ALAS1: variants seen among roughly 807,000 people sequenced by gnomAD.
The protein encoded by ALAS1 is 5-aminolevulinate synthase, non-specific, mitochondrial.
ALAS1 carries 29 observed loss-of-function variants against 59.6 expected under a neutral mutation model. That is an observed-to-expected ratio of 0.49 (90% CI 0.36 to 0.66). The LOEUF (loss-of-function observed/expected upper bound fraction) is 0.66. ALAS1 is among the 30% of genes least tolerant of loss of function. ALAS1 has a pLI of 0.00. For synonymous variants in ALAS1, 299 were observed against 296.6 expected (o/e 1.01, Z -0.08); for missense variants, 690 against 807.5 (o/e 0.85, Z 1.76).
At chr3:52,200,170 G>A (rs1699159355) in intron 3 of ALAS1, among the ~76,000 whole-genome samples, 1 of 151,898 alleles carries the variant, frequency 6.6e-6, no homozygotes, top group South Asian at 2.1e-4. Context: ...TTGTTCTGTT[G>A]TGGTAAAATG....
intron 3 of ALAS1, 142 bp from the exon 4 acceptor site, chr3:52,202,365 C>CA (rs968063853): frequency 1.3e-4 from 95 of 719,056 alleles, no homozygotes; most frequent in Middle Eastern, 2.4e-4. Context: ...CAAAACAAAA[C>CA]AAAAAAAACA....
chr3:52,212,534 T>G, intron 11 of ALAS1, 114 bp downstream of exon 11: 1 of 1,417,202 alleles, frequency 7.1e-7, no homozygotes, highest in South Asian at 1.2e-5. Flanking sequence ...TCTTCTTTTT[T>G]TAGTTTTTTT....
rs369540535 is a variant in ALAS1 at position 52,211,235 on chromosome 3, G to A, written c.1331-48G>A. The A allele has an allele frequency of 3.1e-4, 498 of 1,596,050 alleles. No individual in the cohort carries two copies. The highest frequency in any genetic ancestry group is 8.0e-4 in the South Asian group (72 of 90,196). On this transcript the variant is annotated intron_variant, in intron 9 of 11. Coordinates refer to ENST00000484952, the MANE Select transcript of ALAS1 (RefSeq NM_000688.6). ...CACAACACCTTGCTGTGTCCATTTA[G>A]AGCAATTTACAGCTGTTGCTGTAAT...
At position 52,204,773 on chromosome 3, in the gene ALAS1, A is replaced by G; in HGVS notation, c.658A>G (p.Lys220Glu). Residue 220 changes from lysine (K) to glutamate (E), a missense_variant, in exon 6 of 12, where the codon AAA becomes GAA. Transcript: ENST00000484952. ...KKNDHTYRVFKTVNRRAHIFP... is the reference protein window; with the variant it reads ...KKNDHTYRVFETVNRRAHIFP... ...GAATGACCACACCTATCGAGTTTTT[A>G]AAACTGTGAACCGGCGAGCACACAT... 1.2e-6 allele frequency: 2 copies of G among 1,614,210 alleles called. No homozygotes were observed. Among genetic ancestry groups the G allele is most frequent in the Non-Finnish European group, 1.7e-6 (2 of 1,180,034 alleles).
intron 11 of ALAS1, 130 bp downstream of exon 11, chr3:52,212,550 G>C: frequency 8.0e-7 from 1 of 1,247,264 alleles, no homozygotes; most frequent in Non-Finnish European, 1.1e-6. Flanking sequence ...TTTTTTTTGA[G>C]ACAAGAGTTT....
rs1174632638 is a variant in ALAS1, at chr3:52,211,429, A to G, written c.1477A>G (p.Lys493Glu). The change falls in exon 10 of 12, where the codon AAG becomes GAG. Residue 493 changes from lysine to glutamate, a missense_variant. Lys to Glu is a moderately conservative substitution (Grantham distance 56). Transcript: ENST00000484952. ...AGCCCTGGAGTCTGTGCGGATCCTG[A>G]AGAGCGCTGAGGGACGGGTGCTTCG... The part of the protein sequence containing the change: ...AGALESVRIL[K>E]SAEGRVLRRQ... 6.2e-7 allele frequency: 1 copy of G among 1,614,158 alleles called. No homozygotes were observed. The highest frequency in any genetic ancestry group is 2.2e-5 in the East Asian group (1 of 44,884).
At position 52,199,363 on chromosome 3, in the gene ALAS1, C is replaced by A; in HGVS notation, c.122C>A (p.Ala41Asp). ...TGCCCCAAGATGATGGAAGTTGGGG[C>A]CAAGCCAGCCCCTCGGGCATTGTCC... ...QNCPKMMEVG[A>D]KPAPRALSTA... The change falls in exon 3 of 12, where the codon GCC (alanine) becomes GAC (aspartate). Residue 41 changes from alanine (A) to aspartate (D), a missense_variant. Coordinates refer to ENST00000484952, the MANE Select transcript of ALAS1 (RefSeq NM_000688.6). The A allele has an allele frequency of 2.5e-6, 4 of 1,614,178 alleles. No individual in the cohort carries two copies. The highest frequency in any genetic ancestry group is 3.4e-6 in the Non-Finnish European group (4 of 1,180,042).
intron 8 of ALAS1, among the ~76,000 whole-genome samples, chr3:52,207,219 G>A (rs1699312409): frequency 6.6e-6 from 1 of 152,056 alleles, no homozygotes. Flanking sequence ...TAGCTAGGAT[G>A]GTCTCGATCT....
At chr3:52,201,533 C>T (rs1699185186) in intron 3 of ALAS1, among the ~76,000 whole-genome samples, 1 of 152,132 alleles carries the variant, frequency 6.6e-6, no homozygotes, top group South Asian at 2.1e-4. Context: ...GGGAGGACTG[C>T]TTGAGCCTAG....
Position 52,212,304 on chromosome 3 carries a change from G to T in ALAS1, c.1646G>T (p.Ser549Ile). ...ACAGAAGTCTGTGATGAACTAATGAGCAGACATAACATCTACGTGCAAGCA... is the reference window on the plus strand; with the variant it reads ...ACAGAAGTCTGTGATGAACTAATGATCAGACATAACATCTACGTGCAAGCA... Reference protein sequence around the residue: ...KNTEVCDELMSRHNIYVQAIN... With the variant: ...KNTEVCDELMIRHNIYVQAIN... The change falls in exon 11 of 12, where the codon AGC becomes ATC. Residue 549 changes from serine to isoleucine, a missense_variant. Ser to Ile is a moderately radical substitution (Grantham distance 142). Coordinates refer to ENST00000484952, the MANE Select transcript of ALAS1 (RefSeq NM_000688.6). 1 of 1,614,116 alleles carries T rather than the reference G, an allele frequency of 6.2e-7. No homozygotes were observed. Among genetic ancestry groups the T allele is most frequent in the Non-Finnish European group, 8.5e-7 (1 of 1,180,020 alleles).
chr3:52,211,926 G>A (rs2107283224), intron 10 of ALAS1, among the ~76,000 whole-genome samples: 1 of 152,348 alleles, frequency 6.6e-6, no homozygotes, highest in South Asian at 2.1e-4. Flanking sequence ...TGATGTCACA[G>A]TTGAATTAGT....
At chr3:52,209,747 C>T (rs532405889) in intron 9 of ALAS1, among the ~76,000 whole-genome samples, 1 of 152,276 alleles carries the variant, frequency 6.6e-6, no homozygotes, top group Admixed American at 6.5e-5. Context: ...GGTGTGATCA[C>T]AGCTCATCTG....
chr3:52,212,608 C>T (rs1332561781), intron 11 of ALAS1, 188 bp downstream of exon 11: 7 of 651,516 alleles, frequency 1.1e-5, no homozygotes, highest in Middle Eastern at 4.5e-4. Context: ...CTCGGCTCAC[C>T]GCAACCCCTG....
At chr3:52,207,249 C>T (rs1444323924) in intron 8 of ALAS1, among the ~76,000 whole-genome samples, 7 of 151,946 alleles carry the variant, frequency 4.6e-5, no homozygotes, top group East Asian at 3.9e-4. Flanking sequence ...GTGATCTGCC[C>T]GCCTCAGCCT....
At chr3:52,204,657 A>G in intron 5 of ALAS1, 36 bp from the exon 6 acceptor site, 1 of 1,572,380 alleles carries the variant, frequency 6.4e-7, no homozygotes, top group East Asian at 2.3e-5. Flanking sequence ...GTGTTTCACA[A>G]CCACCATTCT....
rs184013405 is a variant in ALAS1, at chr3:52,211,981, G to A, written c.1600-277G>A. Among the ~76,000 whole-genome samples, 4 of 152,360 alleles carry A rather than the reference G, an allele frequency of 2.6e-5. No individual in the cohort carries two copies. In the East Asian group the frequency reaches 7.7e-4, roughly 29 times the overall value. Reference sequence around the variant, plus strand: ...TAACTGAATCTAGATTATACATCGTGGGTATGAGAGTCTGCTGGTACGAAC... The same window carrying A: ...TAACTGAATCTAGATTATACATCGTAGGTATGAGAGTCTGCTGGTACGAAC... On this transcript the variant is annotated intron_variant, in intron 10 of 11. Transcript: ENST00000484952.
At chr3:52,201,490 G>T (rs1031683774) in intron 3 of ALAS1, among the ~76,000 whole-genome samples, 1 of 152,204 alleles carries the variant, frequency 6.6e-6, no homozygotes, top group Non-Finnish European at 1.5e-5. Flanking sequence ...GGTGGCTCAT[G>T]CCTGTAATTC....
chr3:52,199,160 C>T (rs1026479551), intron 2 of ALAS1, 50 bp from the exon 3 acceptor site: 3 of 1,567,102 alleles, frequency 1.9e-6, no homozygotes, highest in African/African-American at 1.3e-5. Flanking sequence ...AGTGAGCTTG[C>T]AGTGATATTT....
chr3:52,198,941 C>T lies in ALAS1; in HGVS notation c.-33+93C>T, dbSNP rs993639679. ...TTGACCTTTCCCTCATCCTTCCGCC[C>T]CCTTGATTATGTACTGTCAGTATTC... On this transcript the variant is annotated intron_variant, in intron 2 of 11. Transcript: ENST00000484952. The T allele has an allele frequency of 3.5e-5, 49 of 1,394,914 alleles. No homozygotes were observed. The Middle Eastern group carries it at 1.0e-3, about 30-fold the overall frequency. 86.4% of individuals were successfully genotyped at this position (1,394,914 alleles called of 1,614,324 possible). A position where few individuals can be genotyped will look rare whatever the true frequency, so the allele number is the denominator to read the frequency against.
Sources: gnomAD v4.1 joint callset for allele counts (sites outside exome capture counted in the v4.1 genomes callset) on GRCh38, gnomAD v4.1.1 for gene constraint, MANE v1.5 for transcripts, NCBI Gene and HGNC (gene_info 2026-07-23, HGNC 2026-07-21) for gene names.